Variants in MRC1 observed in about 807,000 individuals in gnomAD.
MRC1 encodes mannose receptor C-type 1.
Under a neutral mutation model 102.9 loss-of-function variants are expected in MRC1, and 62 were observed. The ratio of observed to expected loss-of-function variants is 0.60; its 90% CI spans 0.49 to 0.74. MRC1 has a LOEUF of 0.74. Ranked by LOEUF, MRC1 falls within the 30% of genes least tolerant of loss-of-function variation. The pLI is 0.00. For missense variants in MRC1, 1,237 were observed against 862.8 expected (o/e 1.43, Z -5.43); for synonymous variants, 457 against 298.4 (o/e 1.53, Z -5.48).
At chr10:17,867,348 T>C (rs1321526912) in intron 12 of MRC1, among the ~76,000 whole-genome samples, 1 of 132,492 alleles carries the variant, frequency 7.5e-6, no homozygotes, top group Non-Finnish European at 1.6e-5. Context: ...CCTCCTCCTC[T>C]TCTTCTTCTC....
chr10:17,820,825 G>A (rs1838384067), intron 1 of MRC1, among the ~76,000 whole-genome samples: 1 of 152,108 alleles, frequency 6.6e-6, no homozygotes, highest in South Asian at 2.1e-4. Context: ...ATTTACCTTT[G>A]CATAAAGTAA....
chr10:17,906,921 TC>T lies in MRC1; in HGVS notation c.3837del (p.Ser1280ValfsTer18). 1.2e-6 allele frequency: 1 copy of T among 813,564 alleles called. No homozygotes were observed. Among genetic ancestry groups the T allele is most frequent in the Non-Finnish European group, 2.2e-6 (1 of 448,052 alleles). The allele number at this position is 813,564 out of a possible 1,614,324, so 50.4% of individuals were successfully genotyped here. ...GGTTTCCATTGAAAGTGCTGCAGAATCCAGTTTTCTGTCATATCGGGTTGAG... is the reference window on the plus strand; with the variant it reads ...GGTTTCCATTGAAAGTGCTGCAGAATCAGTTTTCTGTCATATCGGGTTGAG... ...SLVSIESAAE[S>X]SFLSYRVEPL... On this transcript the variant is annotated frameshift_variant, in exon 27 of 30. Coordinates refer to ENST00000569591, the MANE Select transcript of MRC1 (RefSeq NM_002438.4). LOFTEE classifies it high-confidence loss of function.
intron 1 of MRC1, among the ~76,000 whole-genome samples, chr10:17,818,157 C>T (rs1367022341): frequency 6.6e-6 from 1 of 152,136 alleles, no homozygotes; most frequent in Non-Finnish European, 1.5e-5. Context: ...TTCTAAATTG[C>T]TCTTCAGTAA....
At chr10:17,815,217 T>C (rs1194984268) in intron 1 of MRC1, among the ~76,000 whole-genome samples, 3 of 151,970 alleles carry the variant, frequency 2.0e-5, no homozygotes, top group Non-Finnish European at 4.4e-5. Context: ...AAGCACAGAG[T>C]AATGTTGAAC....
chr10:17,895,246 A>T (rs1006778458), intron 23 of MRC1, among the ~76,000 whole-genome samples: 4 of 152,136 alleles, frequency 2.6e-5, no homozygotes, highest in African/African-American at 4.8e-5. Context: ...AAATAAAATA[A>T]AATAAAATAT....
chr10:17,894,334 C>G, intron 23 of MRC1, 22 bp downstream of exon 23: 1 of 869,670 alleles, frequency 1.1e-6, no homozygotes, highest in South Asian at 1.3e-5. Flanking sequence ...CAAACCTTAC[C>G]TTCCTGAAAG....
At chr10:17,871,120 A>G (rs1833349447) in intron 14 of MRC1, among the ~76,000 whole-genome samples, 185 bp downstream of exon 14, 1 of 152,150 alleles carries the variant, frequency 6.6e-6, no homozygotes, top group Non-Finnish European at 1.5e-5. Flanking sequence ...TTTTAGATCA[A>G]TAGAAATGGA....
At position 17,880,999 on chromosome 10, in the gene MRC1, G is replaced by A. The variant is rs896084505; in HGVS notation, c.2866-68G>A. 326 of 776,862 alleles carry A rather than the reference G, an allele frequency of 4.2e-4. 5 individuals are homozygous for A. In the East Asian group the frequency reaches 7.6e-3, roughly 18 times the overall value. 48.1% of individuals were successfully genotyped at this position (776,862 alleles called of 1,614,324 possible). A position where few individuals can be genotyped will look rare whatever the true frequency, so the allele number is the denominator to read the frequency against. ...CATGAATAATTTTGCTTTTTGTAGAGCAAAGTTGATCATCTTTAGTTAACC... is the reference window on the plus strand; with the variant it reads ...CATGAATAATTTTGCTTTTTGTAGAACAAAGTTGATCATCTTTAGTTAACC... On this transcript the variant is annotated intron_variant, in intron 20 of 29. Transcript: ENST00000569591.
chr10:17,841,773 T>C (rs1466924224), intron 5 of MRC1, among the ~76,000 whole-genome samples: 3 of 145,520 alleles, frequency 2.1e-5, no homozygotes, highest in Non-Finnish European at 4.5e-5. Flanking sequence ...AAGAGTGCAA[T>C]TAATGATTAG....
At chr10:17,883,764 G>A (rs1803816552) in intron 21 of MRC1, among the ~76,000 whole-genome samples, 1 of 152,204 alleles carries the variant, frequency 6.6e-6, no homozygotes, top group African/African-American at 2.4e-5. Context: ...TGTTGGTCTA[G>A]GAGTTAATGA....
rs1833218888 is a variant in MRC1 at position 17,863,677 on chromosome 10, T to C, written c.1778T>C (p.Met593Thr). The C allele has an allele frequency of 1.3e-6, 1 of 780,740 alleles. No homozygotes were observed. The highest frequency in any genetic ancestry group is 2.4e-6 in the Non-Finnish European group (1 of 417,978). 48.4% of individuals were successfully genotyped at this position (780,740 alleles called of 1,614,324 possible). The change falls in exon 11 of 30, where the codon ATG becomes ACG. Residue 593 changes from methionine to threonine, a missense_variant. Met to Thr is a moderately conservative substitution (Grantham distance 81, BLOSUM62 -1). Coordinates refer to ENST00000569591, the MANE Select transcript of MRC1 (RefSeq NM_002438.4). ...EVRFTHWNSD[M>T]PGRKPGCVAM... Reference sequence around the variant, plus strand: ...CGGTTCACCCACTGGAATTCAGATATGCCAGGTACGGGCAGCGCTTAGGTT... The same window carrying C: ...CGGTTCACCCACTGGAATTCAGATACGCCAGGTACGGGCAGCGCTTAGGTT...
intron 4 of MRC1, among the ~76,000 whole-genome samples, chr10:17,836,732 A>T (rs1033688285): frequency 6.6e-6 from 1 of 152,062 alleles, no homozygotes; most frequent in Non-Finnish European, 1.5e-5. Flanking sequence ...GCTACTCGGG[A>T]GGCTGAGGTA....
Position 17,901,963 on chromosome 10 carries a change from T to C in MRC1, c.3650-10T>C, listed in dbSNP as rs1833834999. 1 of 780,714 alleles carries C rather than the reference T, an allele frequency of 1.3e-6. No homozygotes were observed. The highest frequency in any genetic ancestry group is 1.7e-5 in the Admixed American group (1 of 59,004). 48.4% of individuals were successfully genotyped at this position (780,714 alleles called of 1,614,324 possible). Reference sequence around the variant, plus strand: ...GTTTTGCTTTATTTAAAATGTGTTTTTATTAACAGAAATCCCTGCTACTGA... The same window carrying C: ...GTTTTGCTTTATTTAAAATGTGTTTCTATTAACAGAAATCCCTGCTACTGA... On this transcript the variant is annotated splice_polypyrimidine_tract_variant and intron_variant, in intron 25 of 29. Transcript: ENST00000569591.
intron 3 of MRC1, among the ~76,000 whole-genome samples, chr10:17,828,288 G>C (rs1199011079): frequency 6.6e-6 from 1 of 151,386 alleles, no homozygotes; most frequent in Non-Finnish European, 1.5e-5. Context: ...GTGTTAGCCA[G>C]GATGGTCTCG....
intron 27 of MRC1, among the ~76,000 whole-genome samples, chr10:17,907,317 T>TA (rs1417810458): frequency 7.6e-4 from 115 of 152,290 alleles, no homozygotes; most frequent in African/African-American, 2.5e-3. Flanking sequence ...TAATTAGAAA[T>TA]ACGGTTTTAA....
chr10:17,860,132 G>A (rs1305610207), intron 9 of MRC1, among the ~76,000 whole-genome samples: 2 of 152,092 alleles, frequency 1.3e-5, no homozygotes, highest in African/African-American at 4.8e-5. Context: ...TATGTCCTTG[G>A]CCAACAACAA....
rs1408486395 is a variant in MRC1, at chr10:17,866,685, C to T, written c.1907C>T (p.Pro636Leu). Residue 636 changes from proline (P) to leucine (L), a missense_variant, in exon 12 of 30, where the codon CCG becomes CTG. Physicochemically the swap from Pro to Leu is moderately conservative, Grantham distance 98 (BLOSUM62 -3). Coordinates refer to ENST00000569591, the MANE Select transcript of MRC1 (RefSeq NM_002438.4). ...KHWAEGVTHP[P>L]KPTTTPEPKC... ...TGGGCAGAAGGAGTAACCCACCCAC[C>T]GAAGCCCACGACGACTCCCGAACCC... is the stretch of plus-strand genomic sequence containing the variant. 3.5e-5 allele frequency: 27 copies of T among 780,776 alleles called. No individual in the cohort carries two copies. The highest frequency in any genetic ancestry group is 1.5e-4 in the East Asian group (6 of 41,242). The allele number at this position is 780,776 out of a possible 1,614,324, so 48.4% of individuals were successfully genotyped here. A position where few individuals can be genotyped will look rare whatever the true frequency, so the allele number is the denominator to read the frequency against.
chr10:17,903,392 C>CTTTTTTTTTTTTTTTTTTTTTTTTTTTTT lies in MRC1; in HGVS notation c.3799+1291_3799+1292insTTTTTTTTTTTTTTTTTTTTTTTTTTTTT, dbSNP rs35118275. Among the ~76,000 whole-genome samples the CTTTTTTTTTTTTTTTTTTTTTTTTTTTTT allele has an allele frequency of 6.8e-5, 6 of 88,860 alleles. 1 individual carries two copies. The highest frequency in any genetic ancestry group is 1.3e-4 in the Admixed American group (1 of 7,806). 58.3% of individuals were successfully genotyped at this position (88,860 alleles called of 152,430 possible). A position where few individuals can be genotyped will look rare whatever the true frequency, so the allele number is the denominator to read the frequency against. On this transcript the variant is annotated intron_variant, in intron 26 of 29. Coordinates refer to ENST00000569591, the MANE Select transcript of MRC1 (RefSeq NM_002438.4). ...TTTTCTTTTTCTTTTCTTTTTTTTT[C>CTTTTTTTTTTTTTTTTTTTTTTTTTTTTT]TTTTTTTTTTTTTTTTTTTTTGAGA... is the stretch of plus-strand genomic sequence containing the variant.
At position 17,898,248 on chromosome 10, in the gene MRC1, C is replaced by T. The variant is rs960973444; in HGVS notation, c.3465C>T (p.Ile1155=). ...AAACATCTAATGAACGTGTGTGGAT[C>T]GCCCTGAACAGTAACTTGGTAAGAT... The part of the protein sequence containing the change: ...QMETSNERVW[I]ALNSNLTDNQ... The change falls in exon 24 of 30, where the codon ATC becomes ATT. Residue 1155 remains isoleucine, a synonymous_variant. Transcript: ENST00000569591. The T allele has an allele frequency of 8.9e-3, 6,944 of 780,826 alleles. 148 individuals carry two copies. Among genetic ancestry groups the T allele is most frequent in the East Asian group, 0.075 (3,085 of 41,258 alleles). 48.4% of individuals were successfully genotyped at this position (780,826 alleles called of 1,614,324 possible). A position where few individuals can be genotyped will look rare whatever the true frequency, so the allele number is the denominator to read the frequency against.
Sources: allele counts gnomAD v4.1 joint callset (sites outside exome capture counted in the v4.1 genomes callset), GRCh38; gene constraint gnomAD v4.1.1; transcripts MANE v1.5; gene names NCBI Gene and HGNC (gene_info 2026-07-23, HGNC 2026-07-21).